GPC5: variants seen among roughly 807,000 people sequenced by gnomAD.
GPC5 encodes the protein glypican-5.
In GPC5, 47 loss-of-function variants were observed where a neutral mutation model predicts 53.9. The observed-to-expected ratio is 0.87, with a 90% CI of 0.69 to 1.11. The LOEUF is 1.11. Among genes scored for constraint, GPC5 ranks in the 50% most tolerant of loss-of-function variants. GPC5 has a pLI of 0.00. For missense variants in GPC5, 748 were observed against 713.1 expected, an observed-to-expected ratio of 1.05 and a Z score of -0.56; for synonymous variants, 286 against 263.3, an observed-to-expected ratio of 1.09 and a Z score of -0.84.
intron 6 of GPC5, among the ~76,000 whole-genome samples, chr13:91,957,146 A>G (rs965564122): frequency 2.0e-5 from 3 of 152,156 alleles, no homozygotes; most frequent in Non-Finnish European, 4.4e-5. Flanking sequence ...AAAAAATGGA[A>G]ATTCTGGGAC....
chr13:92,481,487 A>G (rs1484505523), intron 7 of GPC5, among the ~76,000 whole-genome samples: 2 of 152,174 alleles, frequency 1.3e-5, no homozygotes, highest in African/African-American at 4.8e-5. Context: ...CAAAAAGGGG[A>G]AAAGAGTTGG....
At chr13:92,600,485 T>TTCAC (rs1380293548) in intron 7 of GPC5, among the ~76,000 whole-genome samples, 2 of 151,918 alleles carry the variant, frequency 1.3e-5, no homozygotes, top group Non-Finnish European at 2.9e-5. Context: ...TTTCAATTCA[T>TTCAC]TCATTCATTC....
At chr13:92,849,433 C>G (rs923654317) in intron 7 of GPC5, among the ~76,000 whole-genome samples, 2 of 152,182 alleles carry the variant, frequency 1.3e-5, no homozygotes, top group Non-Finnish European at 2.9e-5. Context: ...ATGTAATAAG[C>G]ATCACAATCT....
chr13:91,752,648 C>T (rs1335718930), intron 4 of GPC5, among the ~76,000 whole-genome samples: 1 of 152,136 alleles, frequency 6.6e-6, no homozygotes, highest in African/African-American at 2.4e-5. Context: ...TCACTTTCAG[C>T]TCTTTTTGGC....
chr13:92,542,349 A>G (rs1369099712), intron 7 of GPC5, among the ~76,000 whole-genome samples: 3 of 151,862 alleles, frequency 2.0e-5, no homozygotes, highest in Admixed American at 6.6e-5. Context: ...ATCCCCACCT[A>G]TCTTTCCCAG....
intron 1 of GPC5, among the ~76,000 whole-genome samples, chr13:91,421,134 G>A (rs974660548): frequency 6.6e-6 from 1 of 152,166 alleles, no homozygotes; most frequent in African/African-American, 2.4e-5. Context: ...ATCTTCCGTA[G>A]TCACCAGGAG....
At chr13:91,976,336 A>C (rs2040301673) in intron 6 of GPC5, among the ~76,000 whole-genome samples, 1 of 152,208 alleles carries the variant, frequency 6.6e-6, no homozygotes, top group South Asian at 2.1e-4. Context: ...TAAAACTGTT[A>C]CTGAAGTGCC....
At chr13:92,772,697 C>T (rs909958248) in intron 7 of GPC5, among the ~76,000 whole-genome samples, 4 of 152,140 alleles carry the variant, frequency 2.6e-5, no homozygotes, top group Non-Finnish European at 5.9e-5. Flanking sequence ...AGAATGTGGG[C>T]TTTCTTTTGT....
intron 7 of GPC5, among the ~76,000 whole-genome samples, chr13:92,509,073 A>ATAG: frequency 6.6e-6 from 1 of 152,324 alleles, no homozygotes; most frequent in East Asian, 1.9e-4. Context: ...TATATGCCAG[A>ATAG]TAGTAACAAG....
intron 7 of GPC5, among the ~76,000 whole-genome samples, chr13:92,437,661 T>C (rs1877366616): frequency 6.6e-6 from 1 of 152,030 alleles, no homozygotes; most frequent in Admixed American, 6.6e-5. Flanking sequence ...AAACTTAGTG[T>C]CATACAACAT....
At chr13:92,836,658 C>A (rs984780067) in intron 7 of GPC5, among the ~76,000 whole-genome samples, 3 of 151,904 alleles carry the variant, frequency 2.0e-5, no homozygotes, top group African/African-American at 4.8e-5. Context: ...TTTTTGCATA[C>A]AATTATTAAA....
intron 7 of GPC5, among the ~76,000 whole-genome samples, chr13:92,480,951 TATC>T (rs1879329919): frequency 1.3e-5 from 2 of 152,106 alleles, no homozygotes; most frequent in African/African-American, 4.8e-5. Flanking sequence ...GATGGAAGGG[TATC>T]ATGAGCCAAG....
At chr13:91,992,705 C>A (rs886908657) in intron 6 of GPC5, among the ~76,000 whole-genome samples, 5 of 152,068 alleles carry the variant, frequency 3.3e-5, no homozygotes, top group African/African-American at 7.2e-5. Flanking sequence ...ATCTGCCCAC[C>A]TCATCCTCCC....
At chr13:91,752,088 A>C (rs1279779206) in intron 4 of GPC5, among the ~76,000 whole-genome samples, 2 of 152,164 alleles carry the variant, frequency 1.3e-5, no homozygotes, top group Non-Finnish European at 2.9e-5. Flanking sequence ...CGGTGTTTTC[A>C]TGCGGCCTTT....
chr13:92,527,166 A>AAG (rs1566276713), intron 7 of GPC5, among the ~76,000 whole-genome samples: 21 of 126,706 alleles, frequency 1.7e-4, no homozygotes, highest in East Asian at 2.2e-4. Context: ...GAAAGAAAGA[A>AAG]AGAAAGAGAA....
chr13:91,529,726 C>T (rs1886250399), intron 2 of GPC5, among the ~76,000 whole-genome samples: 1 of 152,158 alleles, frequency 6.6e-6, no homozygotes, highest in African/African-American at 2.4e-5. Context: ...GCTTTTCTCC[C>T]CATACTAGTA....
chr13:91,469,667 A>T (rs1005292522), intron 2 of GPC5, among the ~76,000 whole-genome samples: 17 of 152,208 alleles, frequency 1.1e-4, no homozygotes, highest in Admixed American at 1.3e-4. Context: ...TCAGTAATTT[A>T]AAAACATACT....
chr13:92,068,352 G>T (rs2041183308), intron 6 of GPC5, among the ~76,000 whole-genome samples: 1 of 151,642 alleles, frequency 6.6e-6, no homozygotes, highest in Admixed American at 6.6e-5. Flanking sequence ...AAATAAAATA[G>T]ACTTTTATGT....
intron 5 of GPC5, among the ~76,000 whole-genome samples, chr13:91,775,020 AAG>A (rs1420067469): frequency 1.3e-5 from 2 of 152,154 alleles, no homozygotes; most frequent in African/African-American, 4.8e-5. Flanking sequence ...TGGGTAAGAG[AAG>A]AGAGAGTATC....
Sources: gnomAD v4.1 joint callset for allele counts (sites outside exome capture counted in the v4.1 genomes callset) on GRCh38, gnomAD v4.1.1 for gene constraint, MANE v1.5 for transcripts, NCBI Gene and HGNC (gene_info 2026-07-23, HGNC 2026-07-21) for gene names.